Variants in GRID2 observed in about 807,000 individuals in gnomAD.
GRID2 encodes glutamate ionotropic receptor delta type subunit 2.
Under a neutral mutation model 114.8 loss-of-function variants are expected in GRID2, and 33 were observed. The ratio of observed to expected loss-of-function variants is 0.29; its 90% CI spans 0.22 to 0.38. The LOEUF (loss-of-function observed/expected upper bound fraction) is 0.38. Among genes scored for constraint, GRID2 ranks in the 10% least tolerant of loss-of-function variants. The pLI, the probability that GRID2 is intolerant of heterozygous loss-of-function variation, is 1.00. For synonymous variants in GRID2, 505 were observed against 449.9 expected (o/e 1.12, Z -1.55); for missense variants, 1,184 against 1,257.7 (o/e 0.94, Z 0.89).
chr4:92,355,968 G>C (rs1019458323), intron 1 of GRID2, among the ~76,000 whole-genome samples: 1 of 151,552 alleles, frequency 6.6e-6, no homozygotes, highest in African/African-American at 2.4e-5. Flanking sequence ...AAAAAACACT[G>C]GTTATAATTT....
intron 11 of GRID2, among the ~76,000 whole-genome samples, chr4:93,480,790 C>G (rs1725779413): frequency 6.6e-6 from 1 of 152,008 alleles, no homozygotes; most frequent in Non-Finnish European, 1.5e-5. Flanking sequence ...TACTTGTGTT[C>G]TGCCCCCTTC....
chr4:92,950,431 T>C (rs1456142510), intron 2 of GRID2, among the ~76,000 whole-genome samples: 1 of 152,190 alleles, frequency 6.6e-6, no homozygotes, highest in African/African-American at 2.4e-5. Flanking sequence ...TTTGTTTGAA[T>C]AGAAATATCA....
intron 13 of GRID2, among the ~76,000 whole-genome samples, chr4:93,588,285 T>C (rs1398014061): frequency 6.6e-6 from 1 of 152,116 alleles, no homozygotes; most frequent in South Asian, 2.1e-4. Flanking sequence ...AGAACATTTA[T>C]AAAACAATCA....
intron 4 of GRID2, among the ~76,000 whole-genome samples, chr4:93,194,698 A>G (rs906927883): frequency 4.6e-5 from 7 of 152,128 alleles, no homozygotes; most frequent in African/African-American, 7.2e-5. Flanking sequence ...TTATTAATTA[A>G]ATAATATAGA....
intron 14 of GRID2, among the ~76,000 whole-genome samples, chr4:93,695,172 GA>G (rs5860341): frequency 0.39 from 52,585 of 135,820 alleles, 9,731 homozygotes; most frequent in East Asian, 0.61. Context: ...CTCCGTCTCG[GA>G]AAAAAAAAAA....
At chr4:92,690,997 T>A (rs188955619) in intron 2 of GRID2, among the ~76,000 whole-genome samples, 8 of 152,172 alleles carry the variant, frequency 5.3e-5, no homozygotes, top group Admixed American at 3.9e-4. Flanking sequence ...TTCCAAAAAT[T>A]TTCAAATAAT....
intron 6 of GRID2, among the ~76,000 whole-genome samples, chr4:93,222,920 G>T (rs879814771): frequency 1.3e-5 from 2 of 152,028 alleles, no homozygotes; most frequent in African/African-American, 2.4e-5. Flanking sequence ...CAACCCAAAT[G>T]TCCATCAATG....
intron 2 of GRID2, among the ~76,000 whole-genome samples, chr4:92,616,026 A>G (rs71599249): frequency 1.3e-5 from 2 of 151,656 alleles, no homozygotes; most frequent in Non-Finnish European, 3.0e-5. Flanking sequence ...GAGAAAATAA[A>G]CTATGTACAC....
chr4:92,818,608 T>A (rs1347985860), intron 2 of GRID2, among the ~76,000 whole-genome samples: 4 of 152,114 alleles, frequency 2.6e-5, no homozygotes, highest in Non-Finnish European at 5.9e-5. Context: ...AATGGGCAAG[T>A]GGCAAATATA....
chr4:93,259,482 T>G (rs1018110782), intron 8 of GRID2, among the ~76,000 whole-genome samples: 1 of 151,836 alleles, frequency 6.6e-6, no homozygotes, highest in South Asian at 2.1e-4. Context: ...TGTCAAATCT[T>G]ACCAAATGAT....
rs889929727 is a variant in GRID2, at chr4:93,274,699, C to T, written c.1245+36209C>T. On this transcript the variant is annotated intron_variant, in intron 8 of 15. Coordinates refer to ENST00000282020, the MANE Select transcript of GRID2 (RefSeq NM_001510.4). ...AACTTTGAAGCATATTCAAAGAATT[C>T]TGTTTCTTTGGTAGGAAGGCTGGCT... Among the ~76,000 whole-genome samples the T allele has an allele frequency of 1.7e-4, 26 of 152,114 alleles. 1 individual carries two copies. The highest frequency in any genetic ancestry group is 1.7e-3 in the Admixed American group (26 of 15,234).
At chr4:92,322,466 A>T (rs978441604) in intron 1 of GRID2, among the ~76,000 whole-genome samples, 2 of 152,076 alleles carry the variant, frequency 1.3e-5, no homozygotes, top group African/African-American at 4.8e-5. Flanking sequence ...GAGGTGATAG[A>T]TATCCCATTT....
intron 13 of GRID2, among the ~76,000 whole-genome samples, chr4:93,618,336 C>T (rs1741900389): frequency 6.6e-6 from 1 of 152,186 alleles, no homozygotes; most frequent in Non-Finnish European, 1.5e-5. Flanking sequence ...CCCTTTCCGA[C>T]TGTGGAACTC....
chr4:92,826,540 G>A (rs1560618324), intron 2 of GRID2, among the ~76,000 whole-genome samples: 1 of 152,032 alleles, frequency 6.6e-6, no homozygotes, highest in South Asian at 2.1e-4. Context: ...ATTTTTGCCA[G>A]TTTTGTTCCA....
At chr4:93,137,584 G>A (rs1231050482) in intron 4 of GRID2, among the ~76,000 whole-genome samples, 1 of 152,132 alleles carries the variant, frequency 6.6e-6, no homozygotes, top group Non-Finnish European at 1.5e-5. Context: ...AAGGTACAAG[G>A]ATGCACAAAT....
intron 1 of GRID2, among the ~76,000 whole-genome samples, chr4:92,421,440 C>A (rs1167055272): frequency 6.6e-6 from 1 of 152,052 alleles, no homozygotes; most frequent in Admixed American, 6.6e-5. Context: ...GCACTGTCAC[C>A]TTTGGCATGA....
At chr4:93,443,522 T>C (rs910286242) in intron 10 of GRID2, among the ~76,000 whole-genome samples, 36 of 152,116 alleles carry the variant, frequency 2.4e-4, no homozygotes, top group African/African-American at 8.4e-4. Context: ...AAGCATATTA[T>C]AGGGGACATG....
At chr4:93,772,004 AACT>A (rs1560994314) in intron 15 of GRID2, 69 bp from the exon 16 acceptor site, 1 of 860,176 alleles carries the variant, frequency 1.2e-6, no homozygotes, top group Non-Finnish European at 1.9e-6. Context: ...ATGTTTGCTG[AACT>A]ACTTTTTTTT....
chr4:92,929,876 ACT>A (rs1750093568), intron 2 of GRID2, among the ~76,000 whole-genome samples: 1 of 151,388 alleles, frequency 6.6e-6, no homozygotes, highest in African/African-American at 2.4e-5. Context: ...CTTGATACAT[ACT>A]GTTTGCTTAA....
Sources: allele counts gnomAD v4.1 joint callset (sites outside exome capture counted in the v4.1 genomes callset), GRCh38; gene constraint gnomAD v4.1.1; transcripts MANE v1.5; gene names NCBI Gene and HGNC (gene_info 2026-07-23, HGNC 2026-07-21).